The following CHD5 variants were observed in gnomAD, a reference collection of about 807,000 sequenced individuals.
The protein encoded by CHD5 is chromodomain helicase DNA binding protein 5.
CHD5 carries 69 observed loss-of-function variants against 230.3 expected under a neutral mutation model. The ratio of observed to expected loss-of-function variants is 0.30; its 90% confidence interval spans 0.25 to 0.37. The LOEUF (loss-of-function observed/expected upper bound fraction) is 0.37. Ranked by LOEUF, CHD5 falls within the 10% of genes least tolerant of loss-of-function variation. CHD5 has a pLI of 1.00. For missense variants in CHD5, 1,827 were observed against 2,622.8 expected (o/e 0.70, Z 6.63); for synonymous variants, 1,064 against 1,065.9 (o/e 1.00, Z 0.03).
intron 5 of CHD5, among the ~76,000 whole-genome samples, chr1:6,153,947 C>A (rs1345456285): frequency 6.6e-6 from 1 of 152,164 alleles, no homozygotes; most frequent in Non-Finnish European, 1.5e-5. Flanking sequence ...AACCTGCACC[C>A]AGAAAGCTCC....
Position 6,121,634 on chromosome 1 carries a change from G to C in CHD5, c.4700-61C>G. Reference sequence around the variant, plus strand: ...CTCAGACGGGAAGGAGTAGGGCAGGGAGTGGGGTGGCAGAGAGGAGAGATG... The same window carrying C: ...CTCAGACGGGAAGGAGTAGGGCAGGCAGTGGGGTGGCAGAGAGGAGAGATG... On this transcript the variant is annotated intron_variant, in intron 31 of 41. Coordinates refer to ENST00000262450, the MANE Select transcript of CHD5 (RefSeq NM_015557.3). The surrounding 1 kb of genome is among the most constrained non-coding windows in gnomAD (Gnocchi z 4.5). 7.9e-7 allele frequency: 1 copy of C among 1,273,768 alleles called. No homozygotes were observed. Among genetic ancestry groups the C allele is most frequent in the Admixed American group, 1.9e-5 (1 of 51,318 alleles). The allele number at this position is 1,273,768 out of a possible 1,614,324, so 78.9% of individuals were successfully genotyped here.
Position 6,131,649 on chromosome 1 carries a change from C to A in CHD5, c.3244G>T (p.Ala1082Ser). ...GGITGGLRQE[A>S]IDRFNAPGAQ... is the part of the protein sequence containing the mutation. ...GGGGTACCATTGAATCTGTCGATTG[C>A]CTCCTGCCGGAGGCCCCCGGTGATG... The change falls in exon 21 of 42, where the codon GCA (alanine) becomes TCA (serine). Residue 1082 changes from alanine to serine, a missense_variant. Physicochemically the swap from Ala to Ser is moderately conservative, Grantham distance 99 (BLOSUM62 1). Coordinates refer to ENST00000262450, the MANE Select transcript of CHD5 (RefSeq NM_015557.3). The surrounding 1 kb of genome is among the most constrained non-coding windows in gnomAD (Gnocchi z 5.0). The A allele has an allele frequency of 6.2e-7, 1 of 1,606,606 alleles. No individual in the cohort carries two copies. The highest frequency in any genetic ancestry group is 8.5e-7 in the Non-Finnish European group (1 of 1,173,256).
At chr1:6,139,701 C>A (rs1358588796) in intron 15 of CHD5, among the ~76,000 whole-genome samples, 3 of 152,190 alleles carry the variant, frequency 2.0e-5, no homozygotes, top group Non-Finnish European at 4.4e-5. Flanking sequence ...CAGGTGCACA[C>A]CACTGTGCCC....
At chr1:6,117,587 T>C (rs1385600078) in intron 33 of CHD5, among the ~76,000 whole-genome samples, 2 of 152,076 alleles carry the variant, frequency 1.3e-5, no homozygotes, top group Admixed American at 1.3e-4. Flanking sequence ...CTCTTACAAT[T>C]CAATAATTTA....
In CHD5 at chr1:6,125,137, C is replaced by G. The variant is rs1557542934; in HGVS notation, c.4357G>C (p.Val1453Leu). The G allele has an allele frequency of 6.2e-7, 1 of 1,604,692 alleles. No homozygotes were observed. Among genetic ancestry groups the G allele is most frequent in the Non-Finnish European group, 8.5e-7 (1 of 1,175,850 alleles). ...PQDAFNSHWL[V>L]RDLRGKSEKE... ...TCGCTCTTCCCTCGAAGGTCCCGCA[C>G]CAGCCAGTGGGAGTTGAAGGCGTCC... The change falls in exon 29 of 42, where the codon GTG becomes CTG. Residue 1453 changes from valine (V) to leucine (L), a missense_variant. By Grantham distance (32) the Val-to-Leu change is conservative. Around this residue, in one of 14 missense-constraint regions of CHD5, gnomAD observed 108 missense variants for 152.4 expected, o/e 0.71. Transcript: ENST00000262450. The surrounding 1 kb of genome is among the most constrained non-coding windows in gnomAD (Gnocchi z 6.7).
intron 2 of CHD5, 107 bp downstream of exon 2, chr1:6,168,043 A>G: frequency 1.5e-6 from 2 of 1,332,574 alleles, no homozygotes; most frequent in Non-Finnish European, 2.0e-6. Flanking sequence ...GCTCTCAGAA[A>G]CCCTCAAACT....
Position 6,175,348 on chromosome 1 carries a change from A to AGTGGATG in CHD5, c.79+4590_79+4596dup, listed in dbSNP as rs1667408807. On this transcript the variant is annotated intron_variant, in intron 1 of 41. Transcript: ENST00000262450. ...TGAATGGATGGTGGATGAATGGATGAGTGGATGGTGGATGGATGCATGGAT... is the reference window on the plus strand; with the variant it reads ...TGAATGGATGGTGGATGAATGGATGAGTGGATGGTGGATGGTGGATGGATGCATGGAT... Among the ~76,000 whole-genome samples, 3 of 133,102 alleles carry AGTGGATG rather than the reference A, an allele frequency of 2.3e-5. No individual in the cohort carries two copies. In the East Asian group the frequency reaches 7.5e-4, roughly 33 times the overall value. The allele number at this position is 133,102 out of a possible 152,430, so 87.3% of individuals were successfully genotyped here.
Position 6,159,497 on chromosome 1 carries a change from A to G in CHD5, c.226T>C (p.Ser76Pro). 2 of 1,598,946 alleles carry G rather than the reference A, an allele frequency of 1.3e-6. No individual in the cohort carries two copies. The highest frequency in any genetic ancestry group is 1.7e-6 in the Non-Finnish European group (2 of 1,170,804). ...KKKEGSNDEL[S>P]ENEEDLEEKS... ...TCTTCCAGATCCTCTTCATTCTCTG[A>G]TAGCTCATCATTGCTCCCCTGGAAA... The change falls in exon 3 of 42, where the codon TCA (serine) becomes CCA (proline). Residue 76 changes from serine (S) to proline (P), a missense_variant. By Grantham distance (74) the Ser-to-Pro change is moderately conservative. Around this residue, in one of 14 missense-constraint regions of CHD5, gnomAD observed 657 missense variants for 816.4 expected, o/e 0.80. Transcript: ENST00000262450.
chr1:6,174,635 T>C (rs1246401373), intron 1 of CHD5, among the ~76,000 whole-genome samples: 1 of 149,858 alleles, frequency 6.7e-6, no homozygotes, highest in Non-Finnish European at 1.5e-5. Context: ...AGATGGTGAA[T>C]AGATGGATGG....
chr1:6,149,070 C>T lies in CHD5; in HGVS notation c.1167G>A (p.Lys389=). 2.0e-6 allele frequency: 3 copies of T among 1,533,604 alleles called. No homozygotes were observed. Among genetic ancestry groups the T allele is most frequent in the Non-Finnish European group, 2.6e-6 (3 of 1,140,384 alleles). The allele number at this position is 1,533,604 out of a possible 1,614,324, so 95.0% of individuals were successfully genotyped here. A position where few individuals can be genotyped will look rare whatever the true frequency, so the allele number is the denominator to read the frequency against. ...EGKWSCPHCE[K]EGIQWEPKDD... is the part of the protein sequence containing the mutation. ...CCTTCGGCTCCCACTGGATCCCCTC[C>T]TTCTCCTGGGGGAGGAGGCCAGGTG... The change falls in exon 9 of 42, where the codon AAG becomes AAA. Residue 389 remains lysine (K), a synonymous_variant. Coordinates refer to ENST00000262450, the MANE Select transcript of CHD5 (RefSeq NM_015557.3).
chr1:6,175,349 GTGGATGGTGGATGGATGCATGGA>G (rs879459685), intron 1 of CHD5, among the ~76,000 whole-genome samples: 15,576 of 145,486 alleles, frequency 0.11, 1,353 homozygotes, highest in African/African-American at 0.22. Context: ...GAATGGATGA[GTGGATGGTGGATGGATGCATGGA>G]TGGATGGTGG....
intron 11 of CHD5, among the ~76,000 whole-genome samples, chr1:6,145,752 C>A (rs1003934589): frequency 6.6e-6 from 1 of 152,216 alleles, no homozygotes; most frequent in Non-Finnish European, 1.5e-5. Flanking sequence ...GTGATTCTGG[C>A]GACTTAACCT....
At position 6,143,960 on chromosome 1, in the gene CHD5, C is replaced by CT. The variant is rs767870524; in HGVS notation, c.1935-30_1935-29insA. ...GGAAACGGCATTGGAGGCAGGTGAGCAAGGCTCAGCCCAGGAGCAGGTCCC... is the reference window on the plus strand; with the variant it reads ...GGAAACGGCATTGGAGGCAGGTGAGCTAAGGCTCAGCCCAGGAGCAGGTCCC... On this transcript the variant is annotated intron_variant, in intron 12 of 41. Transcript: ENST00000262450. 19 of 1,614,006 alleles carry CT rather than the reference C, an allele frequency of 1.2e-5. No individual in the cohort carries two copies. The African/African-American group carries it at 2.0e-4, about 17-fold the overall frequency.
chr1:6,148,128 C>T (rs761945194), intron 9 of CHD5, among the ~76,000 whole-genome samples: 6 of 152,176 alleles, frequency 3.9e-5, no homozygotes, highest in Non-Finnish European at 5.9e-5. Context: ...CACATACACA[C>T]GCACAATGCA....
chr1:6,173,571 A>T (rs1274561891), intron 1 of CHD5, among the ~76,000 whole-genome samples: 4 of 152,144 alleles, frequency 2.6e-5, no homozygotes, highest in South Asian at 4.1e-4. Flanking sequence ...CTCTCTCTTC[A>T]TCTGTGAAAT....
intron 2 of CHD5, among the ~76,000 whole-genome samples, chr1:6,166,926 A>C (rs1667265369): frequency 6.6e-6 from 1 of 151,904 alleles, no homozygotes; most frequent in Admixed American, 6.6e-5. Context: ...CCCTCCCGAA[A>C]CCCTCACAGC....
chr1:6,168,985 C>T (rs1316898431), intron 1 of CHD5, among the ~76,000 whole-genome samples: 64 of 151,024 alleles, frequency 4.2e-4, no homozygotes, highest in Admixed American at 4.2e-3. Flanking sequence ...CACAACTGCC[C>T]TCCAGCCTGG....
In CHD5 at chr1:6,127,923, C is replaced by T. The variant is rs58006103; in HGVS notation, c.3903+123G>A. 2.1e-3 allele frequency: 1,729 copies of T among 839,954 alleles called. 20 individuals carry two copies. In the African/African-American group the frequency reaches 0.027, roughly 13 times the overall value. 52.0% of individuals were successfully genotyped at this position (839,954 alleles called of 1,614,324 possible). A position where few individuals can be genotyped will look rare whatever the true frequency, so the allele number is the denominator to read the frequency against. On this transcript the variant is annotated intron_variant, in intron 25 of 41. Coordinates refer to ENST00000262450, the MANE Select transcript of CHD5 (RefSeq NM_015557.3). ...CGGGGCTGCGGCTGGAGGGCGGGGT[C>T]ACAGCTTGGAGGGCTGGCTGCGGCG...
chr1:6,131,859 G>C lies in CHD5; in HGVS notation c.3145-111C>G. 1.5e-6 allele frequency: 1 copy of C among 681,246 alleles called. No individual in the cohort carries two copies. Among genetic ancestry groups the C allele is most frequent in the Non-Finnish European group, 2.7e-6 (1 of 376,144 alleles). 42.2% of individuals were successfully genotyped at this position (681,246 alleles called of 1,614,324 possible). ...AGGAGAGAGCTGCCTGCTAGGTGGG[G>C]AGACAGCTGGGACCCAGGCAGGCCC... On this transcript the variant is annotated intron_variant, in intron 20 of 41. Coordinates refer to ENST00000262450, the MANE Select transcript of CHD5 (RefSeq NM_015557.3). The surrounding 1 kb of genome is among the most constrained non-coding windows in gnomAD (Gnocchi z 5.0).
Sources: allele counts gnomAD v4.1 joint callset (sites outside exome capture counted in the v4.1 genomes callset), GRCh38; gene constraint gnomAD v4.1.1; regional missense constraint gnomAD v4.1.1; non-coding constraint Gnocchi (gnomAD v3.1); transcripts MANE v1.5; gene names NCBI Gene and HGNC (gene_info 2026-07-23, HGNC 2026-07-21).